Variants in PIGK observed in about 807,000 individuals in gnomAD.
PIGK encodes the protein phosphatidylinositol glycan anchor biosynthesis class K.
In PIGK, 42 loss-of-function variants were observed where a neutral mutation model predicts 50.6. The observed-to-expected ratio is 0.83, with a 90% confidence interval of 0.65 to 1.07. The LOEUF (loss-of-function observed/expected upper bound fraction) is 1.07, where lower values mean the gene tolerates loss of function less well. PIGK is among the 50% of genes least tolerant of loss of function. PIGK has a pLI of 0.00. For synonymous variants in PIGK, 151 were observed against 156.0 expected, an observed-to-expected ratio of 0.97 and a Z score of 0.24; for missense variants, 448 against 488.7, an observed-to-expected ratio of 0.92 and a Z score of 0.78.
chr1:77,133,805 A>C lies in PIGK; in HGVS notation c.987-11446T>G, dbSNP rs138828315. Among the ~76,000 whole-genome samples, 615 of 152,328 alleles carry C rather than the reference A, an allele frequency of 4.0e-3. 5 individuals carry two copies. The highest frequency in any genetic ancestry group is 0.014 in the African/African-American group (596 of 41,586). On this transcript the variant is annotated intron_variant, in intron 9 of 10. Coordinates refer to ENST00000370812, the MANE Select transcript of PIGK (RefSeq NM_005482.3). ...GCCTGGCAGGTCTTTGTCTCAACACAGAGAGAGTAAGACTATAGAGATTTC... is the reference window on the plus strand; with the variant it reads ...GCCTGGCAGGTCTTTGTCTCAACACCGAGAGAGTAAGACTATAGAGATTTC...
intron 10 of PIGK, among the ~76,000 whole-genome samples, chr1:77,110,546 T>A (rs924725534): frequency 3.6e-4 from 55 of 152,312 alleles, no homozygotes; most frequent in African/African-American, 1.2e-3. Flanking sequence ...CTGGGAAAAC[T>A]GGCTAGCCAT....
chr1:77,122,971 T>C (rs1654138795), intron 9 of PIGK, among the ~76,000 whole-genome samples: 2 of 152,108 alleles, frequency 1.3e-5, no homozygotes, highest in African/African-American at 2.4e-5. Flanking sequence ...CTAATATTTA[T>C]CAAAAAGACT....
intron 10 of PIGK, among the ~76,000 whole-genome samples, chr1:77,116,944 C>T (rs1653989016): frequency 6.6e-6 from 1 of 152,124 alleles, no homozygotes. Flanking sequence ...CTACTAGTTG[C>T]TTCATTACCC....
In PIGK at chr1:77,169,387, AC is replaced by A; in HGVS notation, c.247del (p.Val83SerfsTer2). The A allele has an allele frequency of 6.3e-7, 1 of 1,589,426 alleles. No individual in the cohort carries two copies. Among genetic ancestry groups the A allele is most frequent in the Non-Finnish European group, 8.5e-7 (1 of 1,171,884 alleles). On this transcript the variant is annotated frameshift_variant, in exon 4 of 11. Coordinates refer to ENST00000370812, the MANE Select transcript of PIGK (RefSeq NM_005482.3). LOFTEE classifies it high-confidence loss of function. Reference sequence around the variant, plus strand: ...GGCCATATCATCTGCAAGCATTAGGACAATGTGACTAGGGAAAAAAAATCCA... The same window carrying A: ...GGCCATATCATCTGCAAGCATTAGGAAATGTGACTAGGGAAAAAAAATCCA... ...KRLGIPDSHI[V>X]LMLADDMACN...
intron 6 of PIGK, among the ~76,000 whole-genome samples, chr1:77,163,284 A>G (rs1557810768): frequency 2.0e-5 from 3 of 152,188 alleles, no homozygotes; most frequent in Non-Finnish European, 4.4e-5. Flanking sequence ...TTTCTGCCAT[A>G]GGAATGGAAG....
chr1:77,092,287 A>G lies in PIGK; in HGVS notation c.*87T>C. On this transcript the variant is annotated 3_prime_UTR_variant, in exon 11 of 11. Coordinates refer to ENST00000370812, the MANE Select transcript of PIGK (RefSeq NM_005482.3). ...CTTATACTTATTTCCAATTCATACA[A>G]GAGAAACACATTTTTAAAAATATAT... The G allele has an allele frequency of 1.6e-6, 1 of 625,538 alleles. No homozygotes were observed. The highest frequency in any genetic ancestry group is 2.8e-6 in the Non-Finnish European group (1 of 358,976). The allele number at this position is 625,538 out of a possible 1,614,324, so 38.7% of individuals were successfully genotyped here.
At chr1:77,105,552 CAGA>C (rs907176941) in intron 10 of PIGK, among the ~76,000 whole-genome samples, 1 of 151,602 alleles carries the variant, frequency 6.6e-6, no homozygotes, top group Admixed American at 6.6e-5. Flanking sequence ...CAACACCAAG[CAGA>C]AGAAACACAG....
chr1:77,159,080 G>C (rs1655075571), intron 8 of PIGK, among the ~76,000 whole-genome samples: 1 of 152,106 alleles, frequency 6.6e-6, no homozygotes, highest in Non-Finnish European at 1.5e-5. Context: ...TTTGTGGGCT[G>C]GGCCTAGGAC....
intron 10 of PIGK, among the ~76,000 whole-genome samples, chr1:77,106,302 T>G (rs1305150147): frequency 6.6e-6 from 1 of 152,160 alleles, no homozygotes; most frequent in Non-Finnish European, 1.5e-5. Flanking sequence ...ACTGGCATCC[T>G]CCTTCTGAGA....
chr1:77,177,868 C>A (rs1161768223), intron 3 of PIGK, among the ~76,000 whole-genome samples: 2 of 152,126 alleles, frequency 1.3e-5, no homozygotes, highest in African/African-American at 4.8e-5. Flanking sequence ...GGGAAAGATT[C>A]CTCCACACTC....
At chr1:77,102,757 T>C (rs1317736475) in intron 10 of PIGK, among the ~76,000 whole-genome samples, 1 of 152,260 alleles carries the variant, frequency 6.6e-6, no homozygotes, top group Non-Finnish European at 1.5e-5. Flanking sequence ...AAGCTTTTGA[T>C]GCAGATAGTC....
intron 1 of PIGK, among the ~76,000 whole-genome samples, chr1:77,215,299 T>C (rs958229796): frequency 2.6e-5 from 4 of 152,018 alleles, no homozygotes; most frequent in African/African-American, 9.7e-5. Context: ...GACATACAAA[T>C]GGCCCACAAG....
intron 5 of PIGK, among the ~76,000 whole-genome samples, chr1:77,165,209 C>A (rs1024219224): frequency 7.9e-5 from 12 of 151,934 alleles, no homozygotes; most frequent in South Asian, 2.1e-4. Flanking sequence ...AATCAGGAAA[C>A]AAACAAAAAA....
At chr1:77,173,523 C>T (rs2100563802) in intron 3 of PIGK, among the ~76,000 whole-genome samples, 1 of 152,292 alleles carries the variant, frequency 6.6e-6, no homozygotes, top group South Asian at 2.1e-4. Flanking sequence ...ACCCAGAAAC[C>T]TGACAAGCCA....
chr1:77,148,580 A>T (rs1173359312), intron 9 of PIGK, among the ~76,000 whole-genome samples: 10 of 152,012 alleles, frequency 6.6e-5, no homozygotes, highest in Admixed American at 4.6e-4. Context: ...TAGGCAATAT[A>T]AAAAAAACGC....
chr1:77,113,595 C>A (rs1653901281), intron 10 of PIGK, among the ~76,000 whole-genome samples: 1 of 152,042 alleles, frequency 6.6e-6, no homozygotes. Context: ...ATAGTACAGG[C>A]AATCTTCAAC....
intron 9 of PIGK, among the ~76,000 whole-genome samples, chr1:77,136,154 A>C (rs545976198): frequency 1.3e-5 from 2 of 152,298 alleles, no homozygotes; most frequent in South Asian, 4.1e-4. Context: ...AGCCAGCTTA[A>C]ATTCTAAGCT....
intron 9 of PIGK, among the ~76,000 whole-genome samples, chr1:77,138,434 T>C (rs1056555970): frequency 6.6e-6 from 1 of 152,162 alleles, no homozygotes; most frequent in Non-Finnish European, 1.5e-5. Context: ...CATAAGAAAA[T>C]GGGATTTCAG....
chr1:77,170,055 T>G (rs1034451123), intron 3 of PIGK, among the ~76,000 whole-genome samples: 5 of 152,222 alleles, frequency 3.3e-5, no homozygotes, highest in Admixed American at 2.6e-4. Context: ...CCTGGCATCC[T>G]GCTTCTACTC....
Sources: gnomAD v4.1 joint callset for allele counts (sites outside exome capture counted in the v4.1 genomes callset) on GRCh38, gnomAD v4.1.1 for gene constraint, MANE v1.5 for transcripts, NCBI Gene and HGNC (gene_info 2026-07-23, HGNC 2026-07-21) for gene names.